Variants in FOXP1 observed in about 807,000 individuals in gnomAD.
The protein encoded by FOXP1 is forkhead box protein P1.
In FOXP1, 15 loss-of-function variants were observed where a neutral mutation model predicts 98.2. The observed-to-expected ratio is 0.15, with a 90% CI of 0.10 to 0.24. FOXP1 has a LOEUF of 0.24. FOXP1 is among the 10% of genes least tolerant of loss of function. FOXP1 has a pLI of 1.00. For synonymous variants in FOXP1, 371 were observed against 314.5 expected, an observed-to-expected ratio of 1.18 and a Z score of -1.90; for missense variants, 633 against 848.5, an observed-to-expected ratio of 0.75 and a Z score of 3.15.
chr3:71,469,011 TCCA>T (rs560666034), intron 3 of FOXP1, among the ~76,000 whole-genome samples: 151 of 152,256 alleles, frequency 9.9e-4, no homozygotes, highest in African/African-American at 3.5e-3. Context: ...TCAGAGCAAT[TCCA>T]CCGGCGCTGG....
chr3:71,466,857 A>G (rs1189311865), intron 3 of FOXP1, among the ~76,000 whole-genome samples: 1 of 152,246 alleles, frequency 6.6e-6, no homozygotes, highest in Non-Finnish European at 1.5e-5. Flanking sequence ...AAACACAGAC[A>G]CATGCCAGGA....
chr3:71,254,735 A>C (rs1365954538), intron 5 of FOXP1, among the ~76,000 whole-genome samples: 2 of 152,212 alleles, frequency 1.3e-5, no homozygotes, highest in Non-Finnish European at 2.9e-5. Flanking sequence ...GGATTCCAAC[A>C]GTTTCTGCCT....
intron 2 of FOXP1, among the ~76,000 whole-genome samples, chr3:71,540,210 C>T (rs974760688): frequency 6.6e-6 from 1 of 152,180 alleles, no homozygotes; most frequent in Admixed American, 6.5e-5. Flanking sequence ...TCTTTCCCAG[C>T]TAGAAAGTTC....
intron 3 of FOXP1, among the ~76,000 whole-genome samples, chr3:71,480,814 T>C (rs1382029002): frequency 1.3e-5 from 2 of 152,154 alleles, no homozygotes; most frequent in East Asian, 3.9e-4. Flanking sequence ...TTGAGTCCAG[T>C]GTAAGAAAGA....
intron 4 of FOXP1, chr3:71,333,000 A>T (rs985956477): frequency 6.6e-6 from 1 of 152,282 alleles, no homozygotes; most frequent in South Asian, 2.1e-4. Flanking sequence ...GTTCCAACAA[A>T]GGGTCAGAGC....
intron 5 of FOXP1, among the ~76,000 whole-genome samples, chr3:71,283,083 C>T (rs2071732627): frequency 6.6e-6 from 1 of 152,180 alleles, no homozygotes; most frequent in Non-Finnish European, 1.5e-5. Context: ...GCCATGGGTA[C>T]CCATCTGCCT....
At position 70,977,814 on chromosome 3, in the gene FOXP1, G is replaced by C. The variant is rs759936983; in HGVS notation, c.1348+14C>G. On this transcript the variant is annotated intron_variant, in intron 15 of 20. Transcript: ENST00000649528. ...GATTACAACTCTACGTGAGGCAAAA[G>C]GTGGAGTATCTACCTGACGAAATGG... is the stretch of plus-strand genomic sequence containing the variant. 1.9e-6 allele frequency: 3 copies of C among 1,613,600 alleles called. No individual in the cohort carries two copies. Among genetic ancestry groups the C allele is most frequent in the Admixed American group, 1.7e-5 (1 of 60,030 alleles).
intron 19 of FOXP1, among the ~76,000 whole-genome samples, chr3:70,966,559 T>C (rs1306654720): frequency 2.0e-5 from 3 of 152,228 alleles, no homozygotes; most frequent in East Asian, 1.9e-4. Flanking sequence ...GAAGAGATTA[T>C]AGAATTGGAA....
At position 70,957,650 on chromosome 3, in the gene FOXP1, A is replaced by C. The variant is rs2106824181; in HGVS notation, c.*1597T>G. 4.3e-6 allele frequency: 1 copy of C among 233,178 alleles called. No homozygotes were observed. The highest frequency in any genetic ancestry group is 8.5e-6 in the Non-Finnish European group (1 of 117,852). The allele number at this position is 233,178 out of a possible 1,614,324, so 14.4% of individuals were successfully genotyped here. A position where few individuals can be genotyped will look rare whatever the true frequency, so the allele number is the denominator to read the frequency against. ...AGAGCTGAAGTGTGGAGGGGTTCTA[A>C]GGACTGAGGTTGTACTGACCTGTAA... On this transcript the variant is annotated 3_prime_UTR_variant, in exon 21 of 21. Transcript: ENST00000649528.
At chr3:71,222,863 C>T (rs1198585465) in intron 5 of FOXP1, among the ~76,000 whole-genome samples, 2 of 152,184 alleles carry the variant, frequency 1.3e-5, no homozygotes, top group Non-Finnish European at 2.9e-5. Context: ...GTTCATCAGG[C>T]TCCCAAACTC....
At position 71,072,872 on chromosome 3, in the gene FOXP1, G is replaced by C. The variant is rs143729403; in HGVS notation, c.283-19099C>G. On this transcript the variant is annotated intron_variant, in intron 7 of 20. Transcript: ENST00000649528. ...AGATTGAAGCCACAGCTAAGGTTTA[G>C]ACTGGATTGCAAGGGACATTTGGAA... 5.4e-3 allele frequency among the ~76,000 whole-genome samples: 830 copies of C among 152,312 alleles called. 6 individuals carry two copies. Among genetic ancestry groups the C allele is most frequent in the African/African-American group, 0.019 (794 of 41,576 alleles).
chr3:71,430,778 GCCTTAT>G (rs2084634345), intron 3 of FOXP1, among the ~76,000 whole-genome samples: 1 of 152,166 alleles, frequency 6.6e-6, no homozygotes, highest in Non-Finnish European at 1.5e-5. Context: ...CTTAAACTCT[GCCTTAT>G]GGTGTCTGTC....
At chr3:71,569,340 A>C (rs980661850) in intron 2 of FOXP1, among the ~76,000 whole-genome samples, 1 of 152,244 alleles carries the variant, frequency 6.6e-6, no homozygotes, top group Admixed American at 6.5e-5. Flanking sequence ...ACATATCCAC[A>C]GAAAACACTT....
chr3:70,956,773 T>TTTTTTTGGGGG lies in FOXP1; in HGVS notation c.*2473_*2474insCCCCCAAAAAA. The stretch of plus-strand genomic sequence containing the variant: ...TTTTTTTTTTTTTTTTTTTTTTTTT[T>TTTTTTTGGGGG]AAAGTCTTGCGTGACCACAGACTGC... On this transcript the variant is annotated 3_prime_UTR_variant, in exon 21 of 21. Transcript: ENST00000649528. The TTTTTTTGGGGG allele has an allele frequency of 6.8e-6, 1 of 146,134 alleles. No individual in the cohort carries two copies. Among genetic ancestry groups the TTTTTTTGGGGG allele is most frequent in the Non-Finnish European group, 1.3e-5 (1 of 78,408 alleles). The allele number at this position is 146,134 out of a possible 1,614,324, so 9.1% of individuals were successfully genotyped here.
At chr3:71,324,486 A>G (rs1447522913) in intron 4 of FOXP1, among the ~76,000 whole-genome samples, 1 of 152,180 alleles carries the variant, frequency 6.6e-6, no homozygotes, top group Non-Finnish European at 1.5e-5. Context: ...TGAAGGTGGA[A>G]ATCATCATTC....
chr3:71,484,830 TGGAGGTAAAGAAGAAAATCTG>T (rs1287208746), intron 3 of FOXP1, among the ~76,000 whole-genome samples: 2 of 151,974 alleles, frequency 1.3e-5, no homozygotes, highest in Non-Finnish European at 2.9e-5. Context: ...ACACAAAACG[TGGAGGTAAAGAAGAAAATCTG>T]ATGGGCCCTA....
chr3:70,960,159 C>T lies in FOXP1; in HGVS notation c.1890-768G>A, dbSNP rs3773492. ...CACAGCAAAGAGACACCATGATATA[C>T]ATGCTTGAAACTCCAAATTAATGCA... is the stretch of plus-strand genomic sequence containing the variant. On this transcript the variant is annotated intron_variant, in intron 20 of 20. Transcript: ENST00000649528. 2.6e-5 allele frequency among the ~76,000 whole-genome samples: 4 copies of T among 152,272 alleles called. No homozygotes were observed. The East Asian group carries it at 7.7e-4, about 29-fold the overall frequency.
intron 5 of FOXP1, among the ~76,000 whole-genome samples, chr3:71,259,099 G>A (rs1439255482): frequency 1.3e-5 from 2 of 152,108 alleles, no homozygotes; most frequent in Non-Finnish European, 2.9e-5. Context: ...AGCTGAGATC[G>A]TGCCACTGCA....
intron 3 of FOXP1, among the ~76,000 whole-genome samples, chr3:71,488,200 C>A (rs1293682363): frequency 6.6e-6 from 1 of 152,106 alleles, no homozygotes; most frequent in Non-Finnish European, 1.5e-5. Context: ...TAAACTGTCA[C>A]CTCCAATAGA....
Sources: allele counts gnomAD v4.1 joint callset (sites outside exome capture counted in the v4.1 genomes callset), GRCh38; gene constraint gnomAD v4.1.1; transcripts MANE v1.5; gene names NCBI Gene and HGNC (gene_info 2026-07-23, HGNC 2026-07-21).